FHIT: variants seen among roughly 807,000 people sequenced by gnomAD.
FHIT encodes the protein bis(5'-adenosyl)-triphosphatase.
FHIT carries 19 observed loss-of-function variants against 17.9 expected under a neutral mutation model. The observed-to-expected ratio is 1.06, with a 90% CI of 0.74 to 1.56. The LOEUF is 1.56. FHIT is among the 40% of genes most tolerant of loss of function. FHIT has a pLI of 0.00. For synonymous variants in FHIT, 81 were observed against 69.7 expected, an observed-to-expected ratio of 1.16 and a Z score of -0.81; for missense variants, 248 against 189.2, an observed-to-expected ratio of 1.31 and a Z score of -1.82.
intron 3 of FHIT, among the ~76,000 whole-genome samples, chr3:61,032,289 C>A (rs2033046240): frequency 6.6e-6 from 1 of 152,204 alleles, no homozygotes; most frequent in African/African-American, 2.4e-5. Context: ...AGCCAGGAAC[C>A]TTCCAGAGCT....
intron 5 of FHIT, among the ~76,000 whole-genome samples, chr3:60,361,852 A>C (rs76809622): frequency 6.6e-6 from 1 of 152,190 alleles, no homozygotes; most frequent in Non-Finnish European, 1.5e-5. Flanking sequence ...GAGCTGTACT[A>C]TCTCATATCT....
chr3:60,675,352 T>C (rs1485961112), intron 4 of FHIT, among the ~76,000 whole-genome samples: 1 of 152,234 alleles, frequency 6.6e-6, no homozygotes, highest in Non-Finnish European at 1.5e-5. Flanking sequence ...TCAAGTGAGT[T>C]GCCGAGGCTT....
intron 8 of FHIT, among the ~76,000 whole-genome samples, chr3:59,803,592 C>T (rs555167796): frequency 2.8e-4 from 42 of 152,322 alleles, no homozygotes; most frequent in African/African-American, 9.4e-4. Flanking sequence ...TTAAAGGGAA[C>T]CTGCATCTCG....
At chr3:59,812,288 A>G (rs1700434773) in intron 8 of FHIT, among the ~76,000 whole-genome samples, 1 of 152,154 alleles carries the variant, frequency 6.6e-6, no homozygotes, top group Non-Finnish European at 1.5e-5. Flanking sequence ...TCTTTGAGGA[A>G]GAGTTAAATG....
chr3:61,250,635 A>G (rs571430834), intron 1 of FHIT, among the ~76,000 whole-genome samples: 67 of 152,176 alleles, frequency 4.4e-4, no homozygotes, highest in Admixed American at 7.9e-4. Context: ...AGTTCCACTA[A>G]CCTGCCTCCT....
intron 1 of FHIT, among the ~76,000 whole-genome samples, chr3:61,239,602 G>A (rs1477385077): frequency 6.6e-6 from 1 of 151,610 alleles, no homozygotes. Flanking sequence ...ATTATTACAG[G>A]TGTTTGCCTA....
intron 5 of FHIT, among the ~76,000 whole-genome samples, chr3:60,522,257 C>A (rs1020478224): frequency 6.6e-6 from 1 of 151,980 alleles, no homozygotes; most frequent in Non-Finnish European, 1.5e-5. Flanking sequence ...ATTAAAAGTG[C>A]CCACCAGCAC....
intron 4 of FHIT, among the ~76,000 whole-genome samples, chr3:60,720,265 A>T (rs2041779852): frequency 6.6e-6 from 1 of 152,030 alleles, no homozygotes. Flanking sequence ...ACTCCTTCTC[A>T]ATCTTTAGAT....
intron 5 of FHIT, among the ~76,000 whole-genome samples, chr3:60,462,637 G>C (rs892805430): frequency 3.3e-5 from 5 of 152,184 alleles, no homozygotes; most frequent in Non-Finnish European, 2.9e-5. Flanking sequence ...AGGATAAAGG[G>C]CTTGGAGAGC....
At chr3:60,487,675 C>T (rs571714944) in intron 5 of FHIT, among the ~76,000 whole-genome samples, 11 of 152,282 alleles carry the variant, frequency 7.2e-5, no homozygotes, top group Admixed American at 3.9e-4. Context: ...AAGTTGCTAA[C>T]GCAGGGAAAT....
intron 5 of FHIT, among the ~76,000 whole-genome samples, chr3:60,259,228 C>T (rs1029662811): frequency 6.6e-6 from 1 of 152,050 alleles, no homozygotes; most frequent in Non-Finnish European, 1.5e-5. Flanking sequence ...TTCCTATCAC[C>T]CTTAAAATAT....
intron 3 of FHIT, among the ~76,000 whole-genome samples, chr3:60,910,596 C>G (rs1706692331): frequency 6.6e-6 from 1 of 151,836 alleles, no homozygotes; most frequent in Non-Finnish European, 1.5e-5. Flanking sequence ...TATTTTTTAG[C>G]AGAGACGGGG....
chr3:60,272,716 A>G (rs1464744336), intron 5 of FHIT, among the ~76,000 whole-genome samples: 2 of 152,218 alleles, frequency 1.3e-5, no homozygotes, highest in Non-Finnish European at 2.9e-5. Flanking sequence ...CCTAAAACTC[A>G]GTTAAGAGGG....
intron 3 of FHIT, among the ~76,000 whole-genome samples, chr3:60,848,095 A>G (rs1702995613): frequency 6.6e-6 from 1 of 152,160 alleles, no homozygotes; most frequent in Admixed American, 6.5e-5. Flanking sequence ...GAATCCAGAC[A>G]TCATTGTCTT....
chr3:60,944,682 T>C (rs1708565403), intron 3 of FHIT, among the ~76,000 whole-genome samples: 1 of 152,196 alleles, frequency 6.6e-6, no homozygotes, highest in Non-Finnish European at 1.5e-5. Flanking sequence ...ATGTAAATGA[T>C]GCGTTTATAT....
chr3:59,967,571 A>G (rs1707984162), intron 7 of FHIT, among the ~76,000 whole-genome samples: 1 of 152,162 alleles, frequency 6.6e-6, no homozygotes, highest in Non-Finnish European at 1.5e-5. Flanking sequence ...GTGCATGACT[A>G]CTATAACCTT....
At chr3:59,848,783 C>G (rs1053105322) in intron 8 of FHIT, among the ~76,000 whole-genome samples, 3 of 152,210 alleles carry the variant, frequency 2.0e-5, no homozygotes, top group Non-Finnish European at 4.4e-5. Flanking sequence ...CATTGTAAAG[C>G]TCTACCAGAA....
At chr3:60,278,168 T>G (rs377164801) in intron 5 of FHIT, among the ~76,000 whole-genome samples, 2 of 152,188 alleles carry the variant, frequency 1.3e-5, no homozygotes, top group African/African-American at 4.8e-5. Context: ...CAGCCTAGTC[T>G]TAGGGGAGAC....
chr3:60,901,950 T>C (rs1217727063), intron 3 of FHIT, among the ~76,000 whole-genome samples: 1 of 152,226 alleles, frequency 6.6e-6, no homozygotes, highest in South Asian at 2.1e-4. Context: ...TTTGTTTTTT[T>C]GTACCTCCTC....
Sources: gnomAD v4.1 joint callset for allele counts (sites outside exome capture counted in the v4.1 genomes callset) on GRCh38, gnomAD v4.1.1 for gene constraint, MANE v1.5 for transcripts, NCBI Gene and HGNC (gene_info 2026-07-23, HGNC 2026-07-21) for gene names.